The following DMD variants were observed in gnomAD, a reference collection of about 807,000 sequenced individuals.
DMD encodes mutant dystrophin.
DMD carries 63 observed loss-of-function variants against 330.1 expected under a neutral mutation model. The ratio of observed to expected loss-of-function variants is 0.19; its 90% CI spans 0.16 to 0.24. The LOEUF (loss-of-function observed/expected upper bound fraction) is 0.24. Among genes scored for constraint, DMD ranks in the 10% least tolerant of loss-of-function variants. The pLI is 1.00. For missense variants in DMD, 3,344 were observed against 2,684.1 expected (o/e 1.25, Z -5.43); for synonymous variants, 1,223 against 959.8 (o/e 1.27, Z -5.07).
intron 12 of DMD, among the ~76,000 whole-genome samples, chrX:32,611,117 CCTT>C (rs1324049870): frequency 9.1e-6 from 1 of 110,492 alleles, no homozygotes; most frequent in Non-Finnish European, 1.9e-5. Flanking sequence ...TGTTAAGTCA[CCTT>C]CTTCTCGCCA....
chrX:32,844,720 C>T lies in DMD; in HGVS notation c.264+63G>A, dbSNP rs1001955033. On this transcript the variant is annotated intron_variant, in intron 4 of 78. Coordinates refer to ENST00000357033, the MANE Select transcript of DMD (RefSeq NM_004006.3). Reference sequence around the variant, plus strand: ...CTTTCTCTGCATTTGGGGCCAAAGCCCTCACTCAAACATGAAGCATGCTGT... The same window carrying T: ...CTTTCTCTGCATTTGGGGCCAAAGCTCTCACTCAAACATGAAGCATGCTGT... 17 of 981,890 alleles carry T rather than the reference C, an allele frequency of 1.7e-5. No individual in the cohort carries two copies. In the Admixed American group the frequency reaches 2.9e-4, roughly 17 times the overall value. The allele number at this position is 981,890 out of a possible 1,213,427, so 80.9% of individuals were successfully genotyped here.
intron 44 of DMD, among the ~76,000 whole-genome samples, chrX:32,109,447 C>T (rs755182248): frequency 1.6e-3 from 176 of 110,827 alleles, no homozygotes; most frequent in South Asian, 6.4e-3. Context: ...GAAATTCACC[C>T]GATACTTTTA....
In DMD at chrX:33,110,499, T is replaced by C. The variant is rs187987258; in HGVS notation, c.32-90299A>G. ...TACAAATTAAAAGTAGTGATTAGTA[T>C]ACTAACCACTGGTATATATTAACAT... is the stretch of plus-strand genomic sequence containing the variant. On this transcript the variant is annotated intron_variant, in intron 1 of 78. Transcript: ENST00000357033. Among the ~76,000 whole-genome samples, 7 of 111,695 alleles carry C rather than the reference T, an allele frequency of 6.3e-5. No homozygotes were observed. The East Asian group carries it at 2.0e-3, about 31-fold the overall frequency.
chrX:32,199,065 C>A (rs2097020213), intron 44 of DMD, among the ~76,000 whole-genome samples: 1 of 111,860 alleles, frequency 8.9e-6, no homozygotes, highest in African/African-American at 3.3e-5. Context: ...TATTGACGTG[C>A]TTATTGTGAA....
intron 55 of DMD, among the ~76,000 whole-genome samples, chrX:31,544,862 G>C (rs2074056886): frequency 9.0e-6 from 1 of 111,191 alleles, no homozygotes; most frequent in African/African-American, 3.3e-5. Context: ...CGGGTTCTCA[G>C]AAAACAGGGG....
Position 31,191,646 on chromosome X carries a change from G to A in DMD, c.9808-8742C>T, listed in dbSNP as rs182575132. Among the ~76,000 whole-genome samples the A allele has an allele frequency of 6.0e-3, 668 of 111,529 alleles. 4 individuals carry two copies. The highest frequency in any genetic ancestry group is 9.2e-3 in the Middle Eastern group (2 of 217). The stretch of plus-strand genomic sequence containing the variant: ...GGTAAGTTGTGACTTGCTCCTCCTT[G>A]CCTTCTGCCATGATTGTGAGGCCTC... On this transcript the variant is annotated intron_variant, in intron 67 of 78. Coordinates refer to ENST00000357033, the MANE Select transcript of DMD (RefSeq NM_004006.3).
At chrX:31,180,243 C>A (rs766874286) in intron 69 of DMD, 127 bp downstream of exon 69, 227 of 563,189 alleles carry the variant, frequency 4.0e-4, no homozygotes, top group African/African-American at 3.7e-3. Context: ...CAGTTGAGAG[C>A]CACTTTAGCT....
chrX:33,315,066 G>A (rs1294706089), intron 1 of DMD, among the ~76,000 whole-genome samples: 2 of 111,452 alleles, frequency 1.8e-5, no homozygotes, highest in East Asian at 2.9e-4. Flanking sequence ...TGATCCACCC[G>A]CCTCAGCCTC....
At chrX:32,423,998 T>C (rs187288812) in intron 29 of DMD, among the ~76,000 whole-genome samples, 2 of 111,456 alleles carry the variant, frequency 1.8e-5, no homozygotes, top group Admixed American at 1.9e-4. Flanking sequence ...TCTATTTTTC[T>C]TACATTAAAG....
chrX:32,896,105 C>T (rs758435036), intron 2 of DMD, among the ~76,000 whole-genome samples: 12 of 110,638 alleles, frequency 1.1e-4, no homozygotes, highest in East Asian at 2.9e-4. Context: ...CACAGCTGTG[C>T]GATGAAAAGA....
At chrX:31,289,099 G>A (rs1022726653) in intron 62 of DMD, among the ~76,000 whole-genome samples, 1 of 107,138 alleles carries the variant, frequency 9.3e-6, no homozygotes, top group African/African-American at 3.4e-5. Context: ...GGCCAACATG[G>A]TGAAACTCTA....
chrX:31,701,300 C>G (rs1371437623), intron 52 of DMD, among the ~76,000 whole-genome samples: 1 of 112,083 alleles, frequency 8.9e-6, no homozygotes, highest in Non-Finnish European at 1.9e-5. Flanking sequence ...AGTGGCCTCA[C>G]TCTTATTTTT....
Position 32,089,483 on chromosome X carries a change from TTGTGTCCATA to T in DMD, c.6439-120979_6439-120970del, listed in dbSNP as rs1339323221. On this transcript the variant is annotated intron_variant, in intron 44 of 78. Coordinates refer to ENST00000357033, the MANE Select transcript of DMD (RefSeq NM_004006.3). The stretch of plus-strand genomic sequence containing the variant: ...GCCCCAGTGTGTGTTATTCCCCTCT[TTGTGTCCATA>T]TGTTCTCATCATTTAGCTTCCATTT... 4.5e-5 allele frequency among the ~76,000 whole-genome samples: 5 copies of T among 111,368 alleles called. No individual in the cohort carries two copies. In the South Asian group the frequency reaches 1.9e-3, roughly 42 times the overall value.
chrX:32,362,155 T>A (rs2097838571), intron 37 of DMD, among the ~76,000 whole-genome samples: 1 of 111,647 alleles, frequency 9.0e-6, no homozygotes, highest in Admixed American at 9.6e-5. Context: ...ATTACAAAAA[T>A]TAGGATATGT....
At chrX:33,033,065 C>T (rs1187120266) in intron 1 of DMD, among the ~76,000 whole-genome samples, 4 of 111,098 alleles carry the variant, frequency 3.6e-5, no homozygotes, top group African/African-American at 9.8e-5. Flanking sequence ...GGGAGCTAAT[C>T]AAAAGAGGAG....
At chrX:31,360,229 T>A (rs775577195) in intron 60 of DMD, among the ~76,000 whole-genome samples, 7 of 111,713 alleles carry the variant, frequency 6.3e-5, no homozygotes, top group Non-Finnish European at 1.3e-4. Flanking sequence ...ATTCAAATAT[T>A]TTTTTAATAA....
intron 59 of DMD, among the ~76,000 whole-genome samples, chrX:31,460,561 C>A (rs2066465545): frequency 9.0e-6 from 1 of 111,642 alleles, no homozygotes. Context: ...AATATTTACA[C>A]AAAGTGAAAA....
At position 31,802,268 on chromosome X, in the gene DMD, A is replaced by C. The variant is rs1173015533; in HGVS notation, c.7309+17707T>G. On this transcript the variant is annotated intron_variant, in intron 50 of 78. Coordinates refer to ENST00000357033, the MANE Select transcript of DMD (RefSeq NM_004006.3). ...AAATTTATATTTTGAATTTTCACACAGCTAAGATGCATAGGAGAGAAGAAA... is the reference window on the plus strand; with the variant it reads ...AAATTTATATTTTGAATTTTCACACCGCTAAGATGCATAGGAGAGAAGAAA... Among the ~76,000 whole-genome samples the C allele has an allele frequency of 4.5e-5, 5 of 111,072 alleles. No individual in the cohort carries two copies. The East Asian group carries it at 1.4e-3, about 31-fold the overall frequency.
chrX:32,876,467 C>T (rs2083386260), intron 2 of DMD, among the ~76,000 whole-genome samples: 1 of 111,725 alleles, frequency 9.0e-6, no homozygotes. Context: ...GTGTTCTAGC[C>T]TTCCACTCCA....
Sources: gnomAD v4.1 joint callset for allele counts (sites outside exome capture counted in the v4.1 genomes callset) on GRCh38, gnomAD v4.1.1 for gene constraint, MANE v1.5 for transcripts, NCBI Gene and HGNC (gene_info 2026-07-23, HGNC 2026-07-21) for gene names.